Variants in GRXCR1 observed in about 807,000 individuals in gnomAD.
GRXCR1 encodes the protein glutaredoxin and cysteine rich domain containing 1, also known as glutaredoxin domain-containing cysteine-rich protein 1.
A neutral mutation model predicts 27.3 loss-of-function variants in GRXCR1; 27 were observed. That is an observed-to-expected ratio of 0.99 (90% confidence interval 0.73 to 1.37). The LOEUF is 1.37. Ranked by LOEUF, GRXCR1 falls within the 40% of genes most tolerant of loss-of-function variation. GRXCR1 has a pLI of 0.00. For synonymous variants in GRXCR1, 122 were observed against 131.1 expected, an observed-to-expected ratio of 0.93 and a Z score of 0.47; for missense variants, 379 against 354.4, an observed-to-expected ratio of 1.07 and a Z score of -0.56.
chr4:42,922,642 C>A (rs549819537), intron 1 of GRXCR1, among the ~76,000 whole-genome samples: 1 of 152,144 alleles, frequency 6.6e-6, no homozygotes, highest in South Asian at 2.1e-4. Context: ...AGGTATTGGC[C>A]CCTGTTACCC....
intron 2 of GRXCR1, among the ~76,000 whole-genome samples, chr4:43,000,830 A>G (rs1305680123): frequency 1.3e-5 from 2 of 152,118 alleles, no homozygotes; most frequent in Non-Finnish European, 2.9e-5. Flanking sequence ...TATGGGGAAA[A>G]GTGGTGATGA....
At chr4:42,932,532 A>T (rs1747337880) in intron 1 of GRXCR1, among the ~76,000 whole-genome samples, 1 of 143,690 alleles carries the variant, frequency 7.0e-6, no homozygotes, top group African/African-American at 2.6e-5. Flanking sequence ...CAAGAGAAAT[A>T]GATCAGGCCA....
At chr4:42,911,713 G>A (rs1746725988) in intron 1 of GRXCR1, among the ~76,000 whole-genome samples, 1 of 152,040 alleles carries the variant, frequency 6.6e-6, no homozygotes, top group Non-Finnish European at 1.5e-5. Flanking sequence ...GAAATCTTGG[G>A]CAAAATCTAG....
chr4:42,906,641 T>C (rs1223810308), intron 1 of GRXCR1, among the ~76,000 whole-genome samples: 6 of 152,192 alleles, frequency 3.9e-5, no homozygotes, highest in Non-Finnish European at 5.9e-5. Context: ...CCTGATTTTA[T>C]TGGTCACCAG....
chr4:42,924,882 T>C (rs1383087311), intron 1 of GRXCR1, among the ~76,000 whole-genome samples: 1 of 151,976 alleles, frequency 6.6e-6, no homozygotes, highest in Non-Finnish European at 1.5e-5. Context: ...GTCAGGGAAG[T>C]CTAAAAACTG....
intron 2 of GRXCR1, among the ~76,000 whole-genome samples, chr4:42,984,941 C>T (rs2109787402): frequency 1.3e-5 from 2 of 152,202 alleles, no homozygotes; most frequent in East Asian, 3.9e-4. Flanking sequence ...AGGGAGGCTA[C>T]CTGATTCTAA....
chr4:42,984,744 C>T (rs1451201892), intron 2 of GRXCR1, among the ~76,000 whole-genome samples: 1 of 152,204 alleles, frequency 6.6e-6, no homozygotes, highest in Non-Finnish European at 1.5e-5. Flanking sequence ...AAACTCAGAA[C>T]TGCTGAGGCC....
Position 42,964,354 on chromosome 4 carries a change from G to T in GRXCR1, c.627+1220G>T, listed in dbSNP as rs567553053. Among the ~76,000 whole-genome samples, 6 of 152,088 alleles carry T rather than the reference G, an allele frequency of 3.9e-5. No homozygotes were observed. The East Asian group carries it at 1.2e-3, about 29-fold the overall frequency. On this transcript the variant is annotated intron_variant, in intron 2 of 3. Transcript: ENST00000399770. ...AACTTTCATATGGCATACTGGTTAA[G>T]AGCAAGCACTGGGGTCAGACAGACT...
intron 1 of GRXCR1, among the ~76,000 whole-genome samples, chr4:42,897,351 T>C (rs991645636): frequency 1.3e-5 from 2 of 152,088 alleles, no homozygotes; most frequent in Admixed American, 1.3e-4. Context: ...ACTGTTAGAA[T>C]ATTGTACTGT....
intron 1 of GRXCR1, among the ~76,000 whole-genome samples, chr4:42,950,579 T>C (rs1747860036): frequency 6.6e-6 from 1 of 152,180 alleles, no homozygotes; most frequent in Admixed American, 6.5e-5. Flanking sequence ...TACCGGGAGA[T>C]ATTTCTGAAT....
chr4:42,920,039 G>A (rs1746974019), intron 1 of GRXCR1, among the ~76,000 whole-genome samples: 1 of 152,156 alleles, frequency 6.6e-6, no homozygotes, highest in Non-Finnish European at 1.5e-5. Flanking sequence ...CTAGAGAAGA[G>A]CAACAAGTCT....
intron 1 of GRXCR1, among the ~76,000 whole-genome samples, chr4:42,961,956 C>G (rs895865791): frequency 6.6e-6 from 1 of 151,924 alleles, no homozygotes; most frequent in African/African-American, 2.4e-5. Flanking sequence ...TTTGTGAAGA[C>G]TCATGTATCC....
chr4:42,978,490 C>A (rs1229133795), intron 2 of GRXCR1, among the ~76,000 whole-genome samples: 1 of 151,830 alleles, frequency 6.6e-6, no homozygotes, highest in Non-Finnish European at 1.5e-5. Context: ...TGTGATTGTT[C>A]TATGATTTTC....
intron 2 of GRXCR1, among the ~76,000 whole-genome samples, chr4:42,980,816 T>A (rs1389088202): frequency 6.6e-6 from 1 of 152,092 alleles, no homozygotes; most frequent in Non-Finnish European, 1.5e-5. Flanking sequence ...GATGCTCCAG[T>A]GTTATGTGCA....
chr4:42,979,767 G>A (rs1343883912), intron 2 of GRXCR1, among the ~76,000 whole-genome samples: 1 of 151,886 alleles, frequency 6.6e-6, no homozygotes, highest in African/African-American at 2.4e-5. Context: ...TAAAAGTTAG[G>A]TAGAATTCAG....
chr4:42,915,877 C>CT lies in GRXCR1; in HGVS notation c.384+22234dup, dbSNP rs1346316936. ...GTTTAGATTTTTTTAAGATTTTACT[C>CT]TTTTTTTATTTTACCTCCCATTGCT... On this transcript the variant is annotated intron_variant, in intron 1 of 3. Coordinates refer to ENST00000399770, the MANE Select transcript of GRXCR1 (RefSeq NM_001080476.3). Among the ~76,000 whole-genome samples, 8 of 152,000 alleles carry CT rather than the reference C, an allele frequency of 5.3e-5. No homozygotes were observed. In the East Asian group the frequency reaches 7.7e-4, roughly 15 times the overall value.
chr4:42,956,310 C>T (rs754891286), intron 1 of GRXCR1, among the ~76,000 whole-genome samples: 1 of 152,060 alleles, frequency 6.6e-6, no homozygotes, highest in South Asian at 2.1e-4. Flanking sequence ...TCAGATGCTT[C>T]CATCCTTCAT....
At chr4:43,017,408 T>C (rs1712962866) in intron 2 of GRXCR1, among the ~76,000 whole-genome samples, 1 of 152,172 alleles carries the variant, frequency 6.6e-6, no homozygotes, top group African/African-American at 2.4e-5. Context: ...CCAAGCCTTG[T>C]ACTGATTAAC....
At chr4:42,985,193 G>A (rs78136754) in intron 2 of GRXCR1, among the ~76,000 whole-genome samples, 20,398 of 152,034 alleles carry the variant, frequency 0.13, 1,541 homozygotes, top group East Asian at 0.32. Flanking sequence ...TTTCTGTGAG[G>A]CGGCAATCAC....
Sources: allele counts gnomAD v4.1 joint callset (sites outside exome capture counted in the v4.1 genomes callset), GRCh38; gene constraint gnomAD v4.1.1; transcripts MANE v1.5; gene names NCBI Gene and HGNC (gene_info 2026-07-23, HGNC 2026-07-21).